CALD1: variants seen among roughly 807,000 people sequenced by gnomAD.
The protein encoded by CALD1 is caldesmon 1.
Under a neutral mutation model 99.9 loss-of-function variants are expected in CALD1, and 33 were observed. That is an observed-to-expected ratio of 0.33 (90% confidence interval 0.25 to 0.44). The LOEUF (loss-of-function observed/expected upper bound fraction) is 0.44, where lower values mean the gene tolerates loss of function less well. Ranked by LOEUF, CALD1 falls within the 20% of genes least tolerant of loss-of-function variation. The pLI, the probability that CALD1 is intolerant of heterozygous loss-of-function variation, is 1.00. For synonymous variants in CALD1, 310 were observed against 325.0 expected, an observed-to-expected ratio of 0.95 and a Z score of 0.50; for missense variants, 861 against 962.1, an observed-to-expected ratio of 0.89 and a Z score of 1.39.
At chr7:134,937,272 T>G (rs1434085130) in intron 6 of CALD1, among the ~76,000 whole-genome samples, 1 of 152,194 alleles carries the variant, frequency 6.6e-6, no homozygotes, top group Non-Finnish European at 1.5e-5. Context: ...ATGATCCTTT[T>G]GTCTCTTTTC....
chr7:134,934,399 TTG>T (rs1805791452), intron 5 of CALD1, among the ~76,000 whole-genome samples: 1 of 152,200 alleles, frequency 6.6e-6, no homozygotes, highest in Admixed American at 6.5e-5. Flanking sequence ...TGGTGGTGTG[TTG>T]GCTTCTGATT....
intron 5 of CALD1, among the ~76,000 whole-genome samples, chr7:134,934,977 TA>T (rs1279899925): frequency 4.0e-5 from 6 of 148,166 alleles, no homozygotes; most frequent in East Asian, 2.0e-4. Flanking sequence ...AAACTTTCCT[TA>T]AAAAAAAAAG....
chr7:134,891,623 G>A, intron 3 of CALD1: 1 of 1,609,524 alleles, frequency 6.2e-7, no homozygotes, highest in Non-Finnish European at 8.5e-7. Flanking sequence ...CTGCGGACAT[G>A]CTGGGTGGAT....
At chr7:134,934,849 C>A (rs1431308091) in intron 5 of CALD1, among the ~76,000 whole-genome samples, 1 of 151,978 alleles carries the variant, frequency 6.6e-6, no homozygotes, top group Non-Finnish European at 1.5e-5. Context: ...CCACTGCACT[C>A]CACTGGGCAA....
Position 134,936,673 on chromosome 7 carries a change from T to C in CALD1, c.1386+908T>C, listed in dbSNP as rs3800749. ...CAGAGAAATCCATATTTAGAAAACA[T>C]GGCCAGATTAAATAGGGGGTGGGTT... On this transcript the variant is annotated intron_variant, in intron 6 of 14. Transcript: ENST00000361675. Among the ~76,000 whole-genome samples, 162 of 152,266 alleles carry C rather than the reference T, an allele frequency of 1.1e-3. 1 individual carries two copies. In the East Asian group the frequency reaches 0.011, roughly 11 times the overall value.
In CALD1 at chr7:134,831,332, T is replaced by C. The variant is rs141827219; in HGVS notation, c.-129-12552T>C. On this transcript the variant is annotated intron_variant, in intron 1 of 14. Transcript: ENST00000361675. ...TATTTTCTGCATAATTTCTTTCTTT[T>C]TTTTTGAGACGGAGTCTTCCTCTGT... 5.9e-4 allele frequency among the ~76,000 whole-genome samples: 90 copies of C among 152,282 alleles called. No individual in the cohort carries two copies. In the East Asian group the frequency reaches 0.015, roughly 25 times the overall value.
In CALD1 at chr7:134,783,101, T is replaced by C. The variant is rs1035560841; in HGVS notation, c.-130+3352T>C. ...GCTTCTCTGCCTCCAGCCAAAAGCA[T>C]GGAATGAACCCCGGAACGTCATGCC... On this transcript the variant is annotated intron_variant, in intron 1 of 14. Coordinates refer to ENST00000361675, the MANE Select transcript of CALD1 (RefSeq NM_033138.4). The surrounding 1 kb of genome is among the most constrained non-coding windows in gnomAD (Gnocchi z 4.3). Among the ~76,000 whole-genome samples the C allele has an allele frequency of 3.9e-5, 6 of 152,138 alleles. No individual in the cohort carries two copies. The highest frequency in any genetic ancestry group is 1.2e-4 in the African/African-American group (5 of 41,438).
At chr7:134,842,896 G>A (rs62462559) in intron 1 of CALD1, among the ~76,000 whole-genome samples, 1 of 152,114 alleles carries the variant, frequency 6.6e-6, no homozygotes, top group African/African-American at 2.4e-5. Flanking sequence ...GATCAAGAGG[G>A]AAGAAATTAC....
chr7:134,804,900 T>C (rs998345229), intron 1 of CALD1, among the ~76,000 whole-genome samples: 4 of 152,184 alleles, frequency 2.6e-5, no homozygotes, highest in Middle Eastern at 3.2e-3. Context: ...AAACCGGCTG[T>C]AGGGGAGATC....
the CALD1 span, among the ~76,000 whole-genome samples, chr7:134,735,781 C>T: frequency 1.3e-5 from 2 of 152,132 alleles, no homozygotes; most frequent in African/African-American, 4.8e-5. Context: ...TTGTGGCTAC[C>T]TGGGATTAAA....
intron 1 of CALD1, among the ~76,000 whole-genome samples, chr7:134,758,897 C>T (rs1796753552): frequency 6.6e-6 from 1 of 152,124 alleles, no homozygotes; most frequent in Non-Finnish European, 1.5e-5. Context: ...ACCCTTCCTT[C>T]CCAGCCCTAG....
At position 134,933,049 on chromosome 7, in the gene CALD1, G is replaced by C; in HGVS notation, c.280G>C (p.Ala94Pro). ...TNTQVEGDDEAAFLERLARRE... is the reference protein window; with the variant it reads ...TNTQVEGDDEPAFLERLARRE... ...CACTCAAGTGGAAGGGGATGATGAG[G>C]CCGCATTCCTGGAGCGCCTGGCTCG... The change falls in exon 5 of 15, where the codon GCC becomes CCC. Residue 94 changes from alanine to proline, a missense_variant. By Grantham distance (27) the Ala-to-Pro change is conservative. Around this residue, in one of 5 missense-constraint regions of CALD1, gnomAD observed 123 missense variants for 169.8 expected, o/e 0.72. Transcript: ENST00000361675. 6.2e-7 allele frequency: 1 copy of C among 1,613,916 alleles called. No individual in the cohort carries two copies. Among genetic ancestry groups the C allele is most frequent in the Non-Finnish European group, 8.5e-7 (1 of 1,179,962 alleles).
At chr7:134,770,648 G>C (rs1484220795) in intron 1 of CALD1, among the ~76,000 whole-genome samples, 2 of 152,172 alleles carry the variant, frequency 1.3e-5, no homozygotes, top group Admixed American at 6.5e-5. Flanking sequence ...GGACAATCCA[G>C]TATGACTTCA....
chr7:134,816,812 T>C (rs1291932270), intron 1 of CALD1, among the ~76,000 whole-genome samples: 1 of 152,218 alleles, frequency 6.6e-6, no homozygotes, highest in Non-Finnish European at 1.5e-5. Context: ...GACAATCCCA[T>C]GGCTTCAATA....
At chr7:134,870,079 T>C (rs757523685) in intron 3 of CALD1, among the ~76,000 whole-genome samples, 20 of 152,308 alleles carry the variant, frequency 1.3e-4, no homozygotes, top group Non-Finnish European at 2.1e-4. Context: ...CAACAACTAT[T>C]TATTAAGCAC....
chr7:134,946,252 G>A (rs1197052382), intron 7 of CALD1, among the ~76,000 whole-genome samples: 7 of 151,990 alleles, frequency 4.6e-5, no homozygotes, highest in Non-Finnish European at 7.4e-5. Flanking sequence ...GCAACCCACT[G>A]AGGTAAATAG....
chr7:134,860,640 A>G (rs1455706488), intron 2 of CALD1, among the ~76,000 whole-genome samples: 7 of 152,242 alleles, frequency 4.6e-5, no homozygotes, highest in African/African-American at 4.8e-5. Flanking sequence ...TTTAAAGACT[A>G]TATCTTTTCA....
In CALD1 at chr7:134,935,759, A is replaced by C. The variant is rs1305802050; in HGVS notation, c.1380A>C (p.Lys460Asn). ...KLQEDKPTFK[K>N]EEIKDEKIKK... Reference sequence around the variant, plus strand: ...AAGAAGACAAGCCTACCTTCAAAAAAGAAGAGGTAAATATGATTGAAAAGT... The same window carrying C: ...AAGAAGACAAGCCTACCTTCAAAAACGAAGAGGTAAATATGATTGAAAAGT... Residue 460 changes from lysine to asparagine, a missense_variant, in exon 6 of 15, where the codon AAA becomes AAC. Transcript: ENST00000361675. 3 of 1,590,926 alleles carry C rather than the reference A, an allele frequency of 1.9e-6. No individual in the cohort carries two copies. Among genetic ancestry groups the C allele is most frequent in the Middle Eastern group, 1.6e-4 (1 of 6,062 alleles).
chr7:134,745,299 G>A (rs1014332716), intron 1 of CALD1, among the ~76,000 whole-genome samples: 3 of 152,178 alleles, frequency 2.0e-5, no homozygotes, highest in Non-Finnish European at 4.4e-5. Flanking sequence ...CTAGTTTAGA[G>A]TTTAATGGTT....
Sources: gnomAD v4.1 joint callset for allele counts (sites outside exome capture counted in the v4.1 genomes callset) on GRCh38, gnomAD v4.1.1 for gene constraint, gnomAD v4.1.1 regional missense constraint, Gnocchi (gnomAD v3.1) non-coding constraint, MANE v1.5 for transcripts, NCBI Gene and HGNC (gene_info 2026-07-23, HGNC 2026-07-21) for gene names.